Variants in POTEC observed in about 807,000 individuals in gnomAD.
POTEC encodes the protein ANKRD26-like family B member 2.
In POTEC, 35 loss-of-function variants were observed where a neutral mutation model predicts 62.0. That is an observed-to-expected ratio of 0.56 (90% CI 0.43 to 0.75). The LOEUF (loss-of-function observed/expected upper bound fraction) is 0.75. POTEC is among the 30% of genes least tolerant of loss of function. The pLI, the probability that POTEC is intolerant of heterozygous loss-of-function variation, is 0.00. For missense variants in POTEC, 472 were observed against 655.9 expected (o/e 0.72, Z 3.06); for synonymous variants, 156 against 221.5 (o/e 0.70, Z 2.62).
rs1464089429 is a variant in POTEC at position 14,542,836 on chromosome 18, T to C, written c.311A>G (p.His104Arg). The C allele has an allele frequency of 6.2e-7, 1 of 1,613,064 alleles. No homozygotes were observed. The highest frequency in any genetic ancestry group is 2.2e-5 in the East Asian group (1 of 44,804). Residue 104 changes from histidine (H) to arginine (R), a missense_variant, in exon 1 of 11, where the codon CAC (histidine) becomes CGC (arginine). Transcript: ENST00000358970. ...GCTCCCCCTGCAGCAGGGGAAGCAG[T>C]GACAGCACCACTTGCCCATCTTGCT... Reference protein sequence around the residue: ...LRSKMGKWCCHCFPCCRGSGK... With the variant: ...LRSKMGKWCCRCFPCCRGSGK...
chr18:14,538,001 TA>T (rs1905805003), intron 2 of POTEC, 27 bp from the exon 3 acceptor site: 1 of 1,597,960 alleles, frequency 6.3e-7, no homozygotes, highest in African/African-American at 1.4e-5. Flanking sequence ...AAAAACAAAT[TA>T]TTAAGTCCTA....
intron 1 of POTEC, among the ~76,000 whole-genome samples, chr18:14,539,449 C>A (rs1161788399): frequency 7.1e-6 from 1 of 140,326 alleles, no homozygotes; most frequent in African/African-American, 2.7e-5. Context: ...CTCTGATAGG[C>A]CCCAGTGTAT....
rs531282247 is a variant in POTEC at position 14,514,394 on chromosome 18, C to A, written c.1410-609G>T. On this transcript the variant is annotated intron_variant, in intron 9 of 10. Transcript: ENST00000358970. The stretch of plus-strand genomic sequence containing the variant: ...ACCACTAACCTCTTGCTGTGTGGCC[C>A]AGGTCCTAACAGGCCAGGGACTGGT... 1.2e-3 allele frequency among the ~76,000 whole-genome samples: 176 copies of A among 149,934 alleles called. 2 individuals are homozygous for A. Among genetic ancestry groups the A allele is most frequent in the African/African-American group, 4.3e-3 (170 of 39,366 alleles).
chr18:14,535,060 T>A, intron 3 of POTEC, 53 bp from the exon 4 acceptor site: 2 of 1,595,072 alleles, frequency 1.3e-6, no homozygotes, highest in Non-Finnish European at 1.7e-6. Context: ...ATTATGTATT[T>A]CTCAACTGAA....
At chr18:14,538,863 A>G (rs937557987) in intron 1 of POTEC, among the ~76,000 whole-genome samples, 23 of 152,216 alleles carry the variant, frequency 1.5e-4, no homozygotes, top group African/African-American at 5.3e-4. Context: ...ATGATTTACT[A>G]TAATTATAAT....
intron 9 of POTEC, 111 bp downstream of exon 9, chr18:14,522,143 G>C (rs1910327231): frequency 1.4e-6 from 2 of 1,462,598 alleles, no homozygotes; most frequent in Non-Finnish European, 9.2e-7. Context: ...AACAGGCAAG[G>C]CTGAATATTC....
intron 1 of POTEC, among the ~76,000 whole-genome samples, chr18:14,541,080 C>T (rs1423874003): frequency 6.6e-5 from 10 of 152,160 alleles, no homozygotes; most frequent in Middle Eastern, 6.8e-3. Flanking sequence ...TTAGTAGAAA[C>T]GGGTTTCACC....
At chr18:14,522,024 A>G (rs532292449) in intron 9 of POTEC, among the ~76,000 whole-genome samples, 108 of 152,284 alleles carry the variant, frequency 7.1e-4, no homozygotes, top group African/African-American at 2.6e-3. Flanking sequence ...ATTAAAAAGA[A>G]AAGAAAATGC....
intron 10 of POTEC, among the ~76,000 whole-genome samples, chr18:14,512,564 T>C (rs1910037042): frequency 6.6e-6 from 1 of 152,226 alleles, no homozygotes; most frequent in African/African-American, 2.4e-5. Flanking sequence ...CACTTCTACC[T>C]ACAACACTCA....
At chr18:14,520,882 G>C (rs540694609) in intron 9 of POTEC, among the ~76,000 whole-genome samples, 1 of 152,122 alleles carries the variant, frequency 6.6e-6, no homozygotes, top group African/African-American at 2.4e-5. Flanking sequence ...GGCTGAGGTG[G>C]CAGGATTACT....
Position 14,537,985 on chromosome 18 carries a change from T to C in POTEC, c.637-11A>G, listed in dbSNP as rs377731188. ...CTGGCATTGTACGGCCTGTCAGTAT[T>C]AGACCAAAAACAAATTATTAAGTCC... On this transcript the variant is annotated splice_polypyrimidine_tract_variant and intron_variant, in intron 2 of 10. Coordinates refer to ENST00000358970, the MANE Select transcript of POTEC (RefSeq NM_001137671.2). 1 of 1,603,538 alleles carries C rather than the reference T, an allele frequency of 6.2e-7. No homozygotes were observed.
In POTEC at chr18:14,509,363, T is replaced by C. The variant is rs1310348434; in HGVS notation, c.*2535A>G. 5.9e-5 allele frequency: 9 copies of C among 151,920 alleles called. No individual in the cohort carries two copies. Among genetic ancestry groups the C allele is most frequent in the Non-Finnish European group, 1.2e-4 (8 of 67,992 alleles). 9.4% of individuals were successfully genotyped at this position (151,920 alleles called of 1,614,324 possible). On this transcript the variant is annotated 3_prime_UTR_variant, in exon 11 of 11. Transcript: ENST00000358970. ...AAGGTCCCTTTTCCTCTGCACAGCA[T>C]TACCTCAAGGGTGAGATGCTAGCAG...
intron 6 of POTEC, among the ~76,000 whole-genome samples, chr18:14,525,349 C>G (rs1910408804): frequency 6.6e-6 from 1 of 152,066 alleles, no homozygotes; most frequent in African/African-American, 2.4e-5. Context: ...AGTTTTCCTG[C>G]ACTTAGCTAC....
chr18:14,513,166 C>T (rs905593108), intron 10 of POTEC, among the ~76,000 whole-genome samples: 2 of 151,588 alleles, frequency 1.3e-5, no homozygotes, highest in Admixed American at 6.6e-5. Flanking sequence ...AGAAACTACT[C>T]GGAGCAAACT....
chr18:14,521,782 C>G (rs545881170), intron 9 of POTEC, among the ~76,000 whole-genome samples: 1 of 152,224 alleles, frequency 6.6e-6, no homozygotes, highest in East Asian at 1.9e-4. Context: ...ATTCTTCTTA[C>G]TCATTAGTGG....
chr18:14,526,117 C>T (rs1910429673), intron 6 of POTEC, among the ~76,000 whole-genome samples: 1 of 151,892 alleles, frequency 6.6e-6, no homozygotes, highest in Non-Finnish European at 1.5e-5. Flanking sequence ...CCAGGATGGT[C>T]CTGATCTTTT....
At chr18:14,514,784 G>T (rs1428325354) in intron 9 of POTEC, among the ~76,000 whole-genome samples, 3 of 152,242 alleles carry the variant, frequency 2.0e-5, no homozygotes, top group Non-Finnish European at 2.9e-5. Context: ...GCAATGATAT[G>T]ATCTTATGCC....
Position 14,511,803 on chromosome 18 carries a change from C to G in POTEC, c.*95G>C, listed in dbSNP as rs953039321. On this transcript the variant is annotated 3_prime_UTR_variant, in exon 11 of 11. Transcript: ENST00000358970. ...TCGTTAATGCTTCTTCATTCAATTG[C>G]ATAGCCCTTAGAAGTTTATCAGTCT... 2 of 1,258,978 alleles carry G rather than the reference C, an allele frequency of 1.6e-6. No homozygotes were observed. The highest frequency in any genetic ancestry group is 2.3e-6 in the Non-Finnish European group (2 of 864,104). The allele number at this position is 1,258,978 out of a possible 1,614,324, so 78.0% of individuals were successfully genotyped here. A position where few individuals can be genotyped will look rare whatever the true frequency, so the allele number is the denominator to read the frequency against.
At chr18:14,512,764 C>A (rs576177598) in intron 10 of POTEC, among the ~76,000 whole-genome samples, 25 of 143,878 alleles carry the variant, frequency 1.7e-4, no homozygotes, top group African/African-American at 6.5e-4. Context: ...GTGCAAGACT[C>A]CATCTAGAAT....
Sources: allele counts gnomAD v4.1 joint callset (sites outside exome capture counted in the v4.1 genomes callset), GRCh38; gene constraint gnomAD v4.1.1; transcripts MANE v1.5; gene names NCBI Gene and HGNC (gene_info 2026-07-23, HGNC 2026-07-21).